Variants in CAMK4 observed in about 807,000 individuals in gnomAD.
The protein encoded by CAMK4 is calcium/calmodulin-dependent protein kinase type IV.
CAMK4 carries 22 observed loss-of-function variants against 44.9 expected under a neutral mutation model. That is an observed-to-expected ratio of 0.49 (90% confidence interval 0.35 to 0.70). CAMK4 has a LOEUF of 0.70. Among genes scored for constraint, CAMK4 ranks in the 30% least tolerant of loss-of-function variants. The pLI, the probability that CAMK4 is intolerant of heterozygous loss-of-function variation, is 0.01. For synonymous variants in CAMK4, 218 were observed against 215.4 expected (o/e 1.01, Z -0.11); for missense variants, 498 against 586.8 (o/e 0.85, Z 1.56).
At chr5:111,350,913 A>C (rs768975839) in intron 2 of CAMK4, among the ~76,000 whole-genome samples, 1 of 152,084 alleles carries the variant, frequency 6.6e-6, no homozygotes, top group Non-Finnish European at 1.5e-5. Flanking sequence ...ATGATGTTGC[A>C]GGGCAATCTG....
intron 7 of CAMK4, among the ~76,000 whole-genome samples, chr5:111,466,069 C>T (rs1754816640): frequency 6.6e-6 from 1 of 152,092 alleles, no homozygotes; most frequent in South Asian, 2.1e-4. Context: ...AAATGTGATA[C>T]ACCACATAAA....
At chr5:111,448,545 C>T (rs1267876973) in intron 6 of CAMK4, among the ~76,000 whole-genome samples, 2 of 152,194 alleles carry the variant, frequency 1.3e-5, no homozygotes, top group South Asian at 2.1e-4. Context: ...CGGGGGCTCA[C>T]ACCTGTAATC....
chr5:111,360,728 A>T (rs1029271382), intron 2 of CAMK4, among the ~76,000 whole-genome samples: 2 of 152,210 alleles, frequency 1.3e-5, no homozygotes, highest in Middle Eastern at 6.8e-3. Flanking sequence ...GCTGGGAAGG[A>T]CTGAGCTGAC....
intron 5 of CAMK4, among the ~76,000 whole-genome samples, chr5:111,443,626 T>G (rs867286094): frequency 3.9e-5 from 6 of 152,018 alleles, no homozygotes; most frequent in African/African-American, 1.4e-4. Flanking sequence ...GTTGCTGTTG[T>G]TTAACTTGCA....
intron 5 of CAMK4, among the ~76,000 whole-genome samples, chr5:111,397,464 G>T (rs1464946364): frequency 6.6e-6 from 1 of 152,038 alleles, no homozygotes; most frequent in Non-Finnish European, 1.5e-5. Flanking sequence ...AAAAACAATT[G>T]TGTAATATTA....
chr5:111,317,228 G>T lies in CAMK4; in HGVS notation c.162-26796G>T, dbSNP rs74549103. On this transcript the variant is annotated intron_variant, in intron 1 of 10. Transcript: ENST00000282356. ...CAGGCTAATGTAGGGACTGAAATGT[G>T]CTAAAAAATGAATGTCAAATTTCAC... Among the ~76,000 whole-genome samples the T allele has an allele frequency of 4.5e-3, 688 of 152,194 alleles. 37 individuals are homozygous for T. The East Asian group carries it at 0.12, about 26-fold the overall frequency.
chr5:111,224,527 C>T lies in CAMK4; in HGVS notation c.44C>T (p.Ser15Phe). 1.2e-6 allele frequency: 2 copies of T among 1,611,362 alleles called. No individual in the cohort carries two copies. Among genetic ancestry groups the T allele is most frequent in the Non-Finnish European group, 1.7e-6 (2 of 1,179,334 alleles). Reference protein sequence around the residue: ...TVPSCSASSCSSVTASAAPGT... With the variant: ...TVPSCSASSCFSVTASAAPGT... ...CCCTCCTGCTCCGCCTCGTCCTGCT[C>T]TTCGGTCACCGCCAGTGCGGCCCCG... Residue 15 changes from serine (S) to phenylalanine (F), a missense_variant, in exon 1 of 11, where the codon TCT (serine) becomes TTT (phenylalanine). Coordinates refer to ENST00000282356, the MANE Select transcript of CAMK4 (RefSeq NM_001744.6). The surrounding 1 kb of genome is among the most constrained non-coding windows in gnomAD (Gnocchi z 5.7).
intron 5 of CAMK4, among the ~76,000 whole-genome samples, chr5:111,440,877 A>G (rs1753798844): frequency 6.6e-6 from 1 of 152,222 alleles, no homozygotes; most frequent in African/African-American, 2.4e-5. Flanking sequence ...TGTATTTTAC[A>G]AAGGATGTGA....
At chr5:111,328,945 A>C (rs1434456481) in intron 1 of CAMK4, among the ~76,000 whole-genome samples, 2 of 151,486 alleles carry the variant, frequency 1.3e-5, no homozygotes, top group African/African-American at 4.8e-5. Context: ...TGTACAATCA[A>C]TATCCTTGAT....
chr5:111,399,000 C>T (rs1439304999), intron 5 of CAMK4, among the ~76,000 whole-genome samples: 1 of 152,160 alleles, frequency 6.6e-6, no homozygotes, highest in African/African-American at 2.4e-5. Flanking sequence ...ACTCCATTCC[C>T]CTCACATTAG....
intron 1 of CAMK4, among the ~76,000 whole-genome samples, chr5:111,272,256 A>T (rs147887659): frequency 1.5e-3 from 223 of 152,160 alleles, no homozygotes; most frequent in African/African-American, 5.0e-3. Context: ...CACTAGCCAA[A>T]TCTTTCTTTG....
At chr5:111,425,060 G>T (rs1005299128) in intron 5 of CAMK4, among the ~76,000 whole-genome samples, 1 of 151,536 alleles carries the variant, frequency 6.6e-6, no homozygotes, top group East Asian at 2.0e-4. Flanking sequence ...CTACTTGGGA[G>T]ACTGAGGTGG....
intron 5 of CAMK4, among the ~76,000 whole-genome samples, chr5:111,443,697 CAT>C: frequency 6.6e-6 from 1 of 152,060 alleles, no homozygotes; most frequent in East Asian, 1.9e-4. Flanking sequence ...TGAGGATCTT[CAT>C]ATAATTAGTT....
At chr5:111,389,544 C>G (rs1751726342) in intron 4 of CAMK4, among the ~76,000 whole-genome samples, 2 of 152,106 alleles carry the variant, frequency 1.3e-5, no homozygotes, top group Admixed American at 1.3e-4. Context: ...CTAAGGGAGA[C>G]AGCTCATGGT....
chr5:111,358,131 T>C (rs926389396), intron 2 of CAMK4: 2 of 152,134 alleles, frequency 1.3e-5, no homozygotes, highest in African/African-American at 2.4e-5. Context: ...GCTTGTAAGT[T>C]ACACTGTGAA....
intron 2 of CAMK4, among the ~76,000 whole-genome samples, chr5:111,348,585 C>A (rs62375651): frequency 3.3e-5 from 5 of 151,880 alleles, no homozygotes; most frequent in Non-Finnish European, 5.9e-5. Context: ...CATTAAATTA[C>A]ATATCAGCCA....
chr5:111,282,628 C>T (rs1184456980), intron 1 of CAMK4, among the ~76,000 whole-genome samples: 1 of 152,114 alleles, frequency 6.6e-6, no homozygotes, highest in South Asian at 2.1e-4. Context: ...ATGTAGCCAC[C>T]AGAATACAGG....
chr5:111,447,688 T>G (rs1183717030), intron 6 of CAMK4, among the ~76,000 whole-genome samples: 1 of 152,256 alleles, frequency 6.6e-6, no homozygotes, highest in East Asian at 1.9e-4. Flanking sequence ...ATTGCTCTTC[T>G]GGTGCCTTCC....
chr5:111,302,343 C>G (rs1231601265), intron 1 of CAMK4: 1 of 150,348 alleles, frequency 6.7e-6, no homozygotes, highest in African/African-American at 2.5e-5. Context: ...CCGGGTTCAT[C>G]TCACTAGGGA....
Sources: gnomAD v4.1 joint callset for allele counts (sites outside exome capture counted in the v4.1 genomes callset) on GRCh38, gnomAD v4.1.1 for gene constraint, Gnocchi (gnomAD v3.1) non-coding constraint, MANE v1.5 for transcripts, NCBI Gene and HGNC (gene_info 2026-07-23, HGNC 2026-07-21) for gene names.